The following BET1 variants were observed in gnomAD, a reference collection of about 807,000 sequenced individuals.
The protein encoded by BET1 is Bet1 golgi vesicular membrane trafficking protein.
In BET1, 9 loss-of-function variants were observed where a neutral mutation model predicts 13.9. The observed-to-expected ratio is 0.65, with a 90% confidence interval of 0.39 to 1.13. The LOEUF (loss-of-function observed/expected upper bound fraction) is 1.13, where lower values mean the gene tolerates loss of function less well. Among genes scored for constraint, BET1 ranks in the 50% most tolerant of loss-of-function variants. The pLI, the probability that BET1 is intolerant of heterozygous loss-of-function variation, is 0.01. For synonymous variants in BET1, 39 were observed against 47.3 expected (o/e 0.82, Z 0.72); for missense variants, 127 against 133.6 (o/e 0.95, Z 0.24).
rs749847667 is a variant in BET1 at position 93,999,169 on chromosome 7, C to A, written c.144+1G>T. 7 of 1,606,378 alleles carry A rather than the reference C, an allele frequency of 4.4e-6. No homozygotes were observed. On this transcript the variant is annotated splice_donor_variant, in intron 2 of 3. Transcript: ENST00000222547. LOFTEE classifies it high-confidence loss of function. ...ACATATAATATTTGTTATATACTTA[C>A]AGATTTTATAGCAGTTACTTTGCTT...
Position 94,004,312 on chromosome 7 carries a change from C to T in BET1, c.-96G>A. 2 of 1,519,226 alleles carry T rather than the reference C, an allele frequency of 1.3e-6. No homozygotes were observed. Among genetic ancestry groups the T allele is most frequent in the African/African-American group, 1.4e-5 (1 of 72,918 alleles). The allele number at this position is 1,519,226 out of a possible 1,614,324, so 94.1% of individuals were successfully genotyped here. A position where few individuals can be genotyped will look rare whatever the true frequency, so the allele number is the denominator to read the frequency against. The stretch of plus-strand genomic sequence containing the variant: ...GGACCGCGTCTTCAGTACCAGGGCC[C>T]AGCGAAACACCAACTTCTTCCCCTA... On this transcript the variant is annotated 5_prime_UTR_variant, in exon 1 of 4. Coordinates refer to ENST00000222547, the MANE Select transcript of BET1 (RefSeq NM_005868.6).
rs80178165 is a variant in BET1 at position 93,985,778 on chromosome 7, A to T, written c.235+8574T>A. Among the ~76,000 whole-genome samples, 11 of 152,244 alleles carry T rather than the reference A, an allele frequency of 7.2e-5. No homozygotes were observed. In the East Asian group the frequency reaches 2.1e-3, roughly 29 times the overall value. On this transcript the variant is annotated intron_variant and NMD_transcript_variant, in intron 4 of 6. Transcript: ENST00000357520. ...GTTGAGCTCAGTGGAATAGGACCCA[A>T]TGAATATGGACACTCCAACTAAATT...
intron 1 of BET1, among the ~76,000 whole-genome samples, chr7:94,003,945 T>C (rs1192006759): frequency 3.3e-5 from 5 of 151,516 alleles, no homozygotes; most frequent in South Asian, 2.1e-4. Flanking sequence ...AGATGCCACC[T>C]GTACACACCC....
At chr7:93,992,861 C>T (rs1795664861), downstream of BET1, 3 of 978,070 alleles carry the variant, frequency 3.1e-6, no homozygotes, top group Admixed American at 6.2e-5. Flanking sequence ...CCCAGGTCAT[C>T]TAACTCAAAC....
chr7:93,964,669 C>T (rs973904924), exon 7 of BET1: 5 of 152,030 alleles, frequency 3.3e-5, no homozygotes, highest in Admixed American at 3.3e-4. Flanking sequence ...TGTGAACAGA[C>T]ACTTCTCCAA....
Position 93,993,407 on chromosome 7 carries a change from A to C in BET1, c.*823T>G. The C allele has an allele frequency of 1.0e-6, 1 of 982,834 alleles. No individual in the cohort carries two copies. The highest frequency in any genetic ancestry group is 1.2e-6 in the Non-Finnish European group (1 of 827,252). 60.9% of individuals were successfully genotyped at this position (982,834 alleles called of 1,614,324 possible). ...AAATACACTGGATTAAAGCAATAAT[A>C]CTCTTATCTTCAAGTTCAATGCCTG... On this transcript the variant is annotated 3_prime_UTR_variant, in exon 4 of 4. Transcript: ENST00000222547.
chr7:93,999,344 A>G, intron 1 of BET1, 50 bp from the exon 2 acceptor site: 1 of 1,559,572 alleles, frequency 6.4e-7, no homozygotes, highest in Non-Finnish European at 8.6e-7. Context: ...CACTTTTGAA[A>G]CACTGTTAGT....
At chr7:93,985,222 A>T (rs1023580296) in intron 4 of BET1, among the ~76,000 whole-genome samples, 1 of 152,106 alleles carries the variant, frequency 6.6e-6, no homozygotes, top group Non-Finnish European at 1.5e-5. Context: ...GTCTGGGAAG[A>T]CTTTCTATAA....
intron 1 of BET1, among the ~76,000 whole-genome samples, chr7:94,001,955 CTTG>C (rs1250375696): frequency 3.3e-5 from 5 of 152,128 alleles, no homozygotes; most frequent in African/African-American, 1.2e-4. Flanking sequence ...AAGTGAAATT[CTTG>C]TTGTATTTAT....
intron 5 of BET1, among the ~76,000 whole-genome samples, chr7:93,975,739 G>C (rs924250914): frequency 2.6e-5 from 4 of 152,062 alleles, no homozygotes; most frequent in Non-Finnish European, 5.9e-5. Context: ...AAGCCGAGAT[G>C]ATCCAGATAT....
intron 4 of BET1, among the ~76,000 whole-genome samples, chr7:93,984,846 C>T (rs1409128335): frequency 2.6e-5 from 4 of 152,184 alleles, no homozygotes; most frequent in Non-Finnish European, 4.4e-5. Flanking sequence ...GTACTATAAT[C>T]CTCACAGGAC....
At chr7:93,972,471 A>G (rs925404404) in intron 6 of BET1, 1 of 151,882 alleles carries the variant, frequency 6.6e-6, no homozygotes, top group African/African-American at 2.4e-5. Flanking sequence ...AGAGAGATTA[A>G]GTGACTTTTT....
intron 4 of BET1, among the ~76,000 whole-genome samples, chr7:93,977,058 C>T (rs557653474): frequency 5.3e-5 from 8 of 152,042 alleles, no homozygotes; most frequent in Non-Finnish European, 5.9e-5. Flanking sequence ...ATCTATATCT[C>T]AATCACATTT....
exon 7 of BET1, chr7:93,964,868 G>C (rs1433901500): frequency 6.6e-6 from 1 of 152,088 alleles, no homozygotes; most frequent in Non-Finnish European, 1.5e-5. Flanking sequence ...CTTATACATA[G>C]TTGGTAGGAA....
At chr7:93,998,825 G>C (rs1468645656) in intron 2 of BET1, among the ~76,000 whole-genome samples, 1 of 151,860 alleles carries the variant, frequency 6.6e-6, no homozygotes, top group Non-Finnish European at 1.5e-5. Flanking sequence ...AAATAAGAAA[G>C]ACCAAGATTT....
At chr7:93,998,411 G>C (rs541574564) in intron 2 of BET1, among the ~76,000 whole-genome samples, 69 of 152,166 alleles carry the variant, frequency 4.5e-4, no homozygotes, top group African/African-American at 1.3e-3. Context: ...AGAAAACCAG[G>C]GGATAGGCCA....
chr7:93,995,513 G>A (rs1795745896), intron 3 of BET1, among the ~76,000 whole-genome samples: 1 of 152,148 alleles, frequency 6.6e-6, no homozygotes, highest in South Asian at 2.1e-4. Flanking sequence ...TTATGCATCA[G>A]AATCACCAGA....
At chr7:93,995,368 T>G (rs1357253531) in intron 3 of BET1, among the ~76,000 whole-genome samples, 5 of 152,166 alleles carry the variant, frequency 3.3e-5, no homozygotes, top group Admixed American at 3.3e-4. Flanking sequence ...AATTATAATA[T>G]CCTGAGATGT....
chr7:93,992,516 C>T (rs1409898544), downstream of BET1: 4 of 985,104 alleles, frequency 4.1e-6, no homozygotes, highest in Non-Finnish European at 4.8e-6. Flanking sequence ...TTCTGAATCT[C>T]CCGTGAGCTC....
Sources: gnomAD v4.1 joint callset for allele counts (sites outside exome capture counted in the v4.1 genomes callset) on GRCh38, gnomAD v4.1.1 for gene constraint, MANE v1.5 for transcripts, NCBI Gene and HGNC (gene_info 2026-07-23, HGNC 2026-07-21) for gene names.